Variants in NALF1 observed in about 807,000 individuals in gnomAD.
NALF1 encodes NALCN channel auxiliary factor 1.
In NALF1, 3 loss-of-function variants were observed where a neutral mutation model predicts 48.4. That is an observed-to-expected ratio of 0.06 (90% CI 0.03 to 0.16). The LOEUF is 0.16. NALF1 is among the 10% of genes least tolerant of loss of function. The probability of loss-of-function intolerance (pLI) is 1.00; values close to 1 mark genes in which losing one functional copy is unlikely to be tolerated. For missense variants in NALF1, 526 were observed against 571.5 expected (o/e 0.92, Z 0.81); for synonymous variants, 262 against 245.7 (o/e 1.07, Z -0.62).
chr13:107,814,323 G>A (rs995791486), intron 1 of NALF1, among the ~76,000 whole-genome samples: 7 of 152,100 alleles, frequency 4.6e-5, no homozygotes, highest in African/African-American at 1.4e-4. Context: ...AAAACCAGTC[G>A]CACACGGAGG....
intron 1 of NALF1, among the ~76,000 whole-genome samples, chr13:107,246,168 T>A (rs765242891): frequency 6.6e-6 from 1 of 152,030 alleles, no homozygotes. Context: ...GGGGTAAATA[T>A]AAAATATTTT....
chr13:107,706,969 C>T (rs1466673454), intron 1 of NALF1, among the ~76,000 whole-genome samples: 1 of 114,328 alleles, frequency 8.7e-6, no homozygotes, highest in Non-Finnish European at 1.6e-5. Context: ...GTCGCCCAGG[C>T]TGGAGTGCAG....
At position 107,495,437 on chromosome 13, in the gene NALF1, A is replaced by G. The variant is rs2139073047; in HGVS notation, c.916-284682T>C. On this transcript the variant is annotated intron_variant, in intron 1 of 2. Transcript: ENST00000375915. ...ATTTTTGATATCTTGTCCAATGCCA[A>G]ATAGACTCTGCTAGTTTATCTGCAT... 1.3e-5 allele frequency among the ~76,000 whole-genome samples: 2 copies of G among 152,340 alleles called. 1 individual carries two copies. The highest frequency in any genetic ancestry group is 4.1e-4 in the South Asian group (2 of 4,826).
chr13:107,598,507 C>T (rs1322235032), intron 1 of NALF1, among the ~76,000 whole-genome samples: 1 of 152,148 alleles, frequency 6.6e-6, no homozygotes, highest in Non-Finnish European at 1.5e-5. Context: ...AAATCATTAA[C>T]GGGATGCCTA....
chr13:107,354,821 A>G (rs1882934578), intron 1 of NALF1, among the ~76,000 whole-genome samples: 1 of 152,098 alleles, frequency 6.6e-6, no homozygotes, highest in Non-Finnish European at 1.5e-5. Context: ...TGTTTGTGTA[A>G]AAGCCCCTGA....
At chr13:107,737,896 C>T (rs1186972313) in intron 1 of NALF1, among the ~76,000 whole-genome samples, 3 of 152,044 alleles carry the variant, frequency 2.0e-5, no homozygotes, top group African/African-American at 7.2e-5. Context: ...AATGCATCCA[C>T]GTACAATTCG....
At chr13:107,259,983 G>C (rs879408390) in intron 1 of NALF1, among the ~76,000 whole-genome samples, 1 of 152,164 alleles carries the variant, frequency 6.6e-6, no homozygotes, top group Non-Finnish European at 1.5e-5. Context: ...ACTCAATAAA[G>C]ATTTTCTTCA....
chr13:107,480,934 C>T (rs1356083571), intron 1 of NALF1, among the ~76,000 whole-genome samples: 1 of 152,020 alleles, frequency 6.6e-6, no homozygotes, highest in South Asian at 2.1e-4. Context: ...TTCTACGAAA[C>T]CCACTAAAAT....
At chr13:107,245,550 C>A (rs1327830155) in intron 1 of NALF1, among the ~76,000 whole-genome samples, 1 of 152,116 alleles carries the variant, frequency 6.6e-6, no homozygotes, top group Non-Finnish European at 1.5e-5. Context: ...TAAGTCCTAA[C>A]AAGATCATTT....
At chr13:107,798,943 G>A (rs80150743) in intron 1 of NALF1, among the ~76,000 whole-genome samples, 2,545 of 152,250 alleles carry the variant, frequency 0.017, 81 homozygotes, top group African/African-American at 0.059. Flanking sequence ...GGAATATTAT[G>A]TTTTCTCTTT....
At chr13:107,180,177 CA>C (rs1347749064) in intron 2 of NALF1, among the ~76,000 whole-genome samples, 1 of 151,604 alleles carries the variant, frequency 6.6e-6, no homozygotes, top group Non-Finnish European at 1.5e-5. Flanking sequence ...TATTTTAAAT[CA>C]TTTTTTTGTT....
chr13:107,447,829 A>C (rs1394892245), intron 1 of NALF1, among the ~76,000 whole-genome samples: 1 of 152,144 alleles, frequency 6.6e-6, no homozygotes, highest in African/African-American at 2.4e-5. Flanking sequence ...AACCTGCATC[A>C]TCAAAACCTG....
At chr13:107,327,410 C>A (rs373979643) in intron 1 of NALF1, among the ~76,000 whole-genome samples, 2 of 152,210 alleles carry the variant, frequency 1.3e-5, no homozygotes, top group African/African-American at 4.8e-5. Flanking sequence ...TTTTATAAAA[C>A]CAATTCAGTA....
intron 2 of NALF1, among the ~76,000 whole-genome samples, chr13:107,207,186 A>G (rs1245072549): frequency 6.6e-6 from 1 of 152,146 alleles, no homozygotes; most frequent in African/African-American, 2.4e-5. Flanking sequence ...TATTCTGGGC[A>G]TACCATCTCC....
intron 1 of NALF1, among the ~76,000 whole-genome samples, chr13:107,353,058 C>T (rs564287460): frequency 6.6e-6 from 1 of 152,084 alleles, no homozygotes; most frequent in Non-Finnish European, 1.5e-5. Context: ...AGCTTCTCCC[C>T]TCACCTTCCT....
At chr13:107,367,032 A>C (rs958292117) in intron 1 of NALF1, among the ~76,000 whole-genome samples, 3 of 152,240 alleles carry the variant, frequency 2.0e-5, no homozygotes, top group African/African-American at 7.2e-5. Context: ...GGAAAAGAGA[A>C]GAAGGAATAT....
intron 1 of NALF1, among the ~76,000 whole-genome samples, chr13:107,419,252 T>A (rs1460258170): frequency 6.6e-6 from 1 of 152,226 alleles, no homozygotes; most frequent in East Asian, 1.9e-4. Context: ...AAAACAAAGG[T>A]AGGTTTTTCC....
chr13:107,367,501 T>G (rs1883171747), intron 1 of NALF1, among the ~76,000 whole-genome samples: 2 of 152,130 alleles, frequency 1.3e-5, no homozygotes, highest in Admixed American at 1.3e-4. Context: ...GATTCCCGTC[T>G]CTCCCAGCTG....
chr13:107,208,244 A>T (rs1594070551), intron 2 of NALF1, among the ~76,000 whole-genome samples: 1 of 152,260 alleles, frequency 6.6e-6, no homozygotes, highest in East Asian at 1.9e-4. Context: ...TTCAGTGATG[A>T]GATTATCCTA....
Sources: allele counts gnomAD v4.1 joint callset (sites outside exome capture counted in the v4.1 genomes callset), GRCh38; gene constraint gnomAD v4.1.1; transcripts MANE v1.5; gene names NCBI Gene and HGNC (gene_info 2026-07-23, HGNC 2026-07-21).